The following ELF1 variants were observed in gnomAD, a reference collection of about 807,000 sequenced individuals.
The protein encoded by ELF1 is E74 like ETS transcription factor 1.
In ELF1, 24 loss-of-function variants were observed where a neutral mutation model predicts 59.9. That is an observed-to-expected ratio of 0.40 (90% CI 0.29 to 0.56). The LOEUF (loss-of-function observed/expected upper bound fraction) is 0.56, where lower values mean the gene tolerates loss of function less well. Among genes scored for constraint, ELF1 ranks in the 20% least tolerant of loss-of-function variants. ELF1 has a pLI of 0.44. For synonymous variants in ELF1, 248 were observed against 266.2 expected (o/e 0.93, Z 0.67); for missense variants, 627 against 742.2 (o/e 0.84, Z 1.80).
chr13:41,051,933 TC>T (rs1877105362), intron 1 of ELF1, among the ~76,000 whole-genome samples: 2 of 148,392 alleles, frequency 1.3e-5, no homozygotes, highest in African/African-American at 2.5e-5. Flanking sequence ...TTTCTTTTTC[TC>T]TTTTTTTTTT....
chr13:41,037,266 C>T (rs1051453192), intron 1 of ELF1, among the ~76,000 whole-genome samples: 5 of 152,048 alleles, frequency 3.3e-5, no homozygotes, highest in African/African-American at 7.2e-5. Context: ...CTCCTGAAGG[C>T]GATTAAGCCT....
intron 1 of ELF1, chr13:40,993,202 C>CTAACAGTG (rs1279861886): frequency 6.5e-7 from 1 of 1,534,362 alleles, no homozygotes; most frequent in South Asian, 1.1e-5. Context: ...TTCTTCATTC[C>CTAACAGTG]TAACAGTGAG....
chr13:41,039,722 G>A (rs1320308548), intron 1 of ELF1, among the ~76,000 whole-genome samples: 1 of 152,128 alleles, frequency 6.6e-6, no homozygotes, highest in Non-Finnish European at 1.5e-5. Context: ...AAATATTTAA[G>A]TGAAAATGTA....
chr13:40,963,490 A>G (rs1439420246), intron 2 of ELF1, among the ~76,000 whole-genome samples: 1 of 152,228 alleles, frequency 6.6e-6, no homozygotes, highest in Non-Finnish European at 1.5e-5. Context: ...CATGAAAGGC[A>G]TGGTCCATTC....
chr13:41,046,399 G>A (rs1876848784), intron 1 of ELF1, among the ~76,000 whole-genome samples: 1 of 152,134 alleles, frequency 6.6e-6, no homozygotes, highest in African/African-American at 2.4e-5. Context: ...CTACAATTTG[G>A]CATGTTTTTG....
chr13:40,973,056 T>A (rs1872671914), intron 2 of ELF1, among the ~76,000 whole-genome samples: 1 of 152,186 alleles, frequency 6.6e-6, no homozygotes, highest in African/African-American at 2.4e-5. Flanking sequence ...GTTTTTATTT[T>A]GCATATGCCA....
chr13:41,028,636 G>C (rs1876041870), intron 1 of ELF1, among the ~76,000 whole-genome samples: 6 of 152,178 alleles, frequency 3.9e-5, no homozygotes, highest in Admixed American at 3.9e-4. Flanking sequence ...TATATACATA[G>C]ATATAACAAA....
Position 41,003,003 on chromosome 13 carries a change from C to G in ELF1, c.-229+16225G>C, listed in dbSNP as rs116026800. ...TCAAACTAGGTCAAGATCAAAGGACCTTTTATTTTCTTAATATTTACTTAC... is the reference window on the plus strand; with the variant it reads ...TCAAACTAGGTCAAGATCAAAGGACGTTTTATTTTCTTAATATTTACTTAC... On this transcript the variant is annotated intron_variant, in intron 1 of 8. Transcript: ENST00000239882. Among the ~76,000 whole-genome samples, 436 of 151,842 alleles carry G rather than the reference C, an allele frequency of 2.9e-3. 3 individuals are homozygous for G. Among genetic ancestry groups the G allele is most frequent in the African/African-American group, 0.01 (420 of 41,424 alleles).
At chr13:41,054,438 C>A (rs1480964302) in intron 1 of ELF1, among the ~76,000 whole-genome samples, 1 of 152,184 alleles carries the variant, frequency 6.6e-6, no homozygotes, top group Non-Finnish European at 1.5e-5. Flanking sequence ...TTAACTTGTT[C>A]ATGGAGTCAA....
chr13:40,978,340 G>A (rs903532126), intron 2 of ELF1, among the ~76,000 whole-genome samples: 19 of 151,230 alleles, frequency 1.3e-4, no homozygotes, highest in Admixed American at 5.9e-4. Flanking sequence ...ATCACACCAC[G>A]GCACTCCAGC....
intron 1 of ELF1, among the ~76,000 whole-genome samples, chr13:41,009,133 G>GT (rs2138357197): frequency 6.6e-6 from 1 of 151,500 alleles, no homozygotes; most frequent in African/African-American, 2.4e-5. Context: ...TGTAATGGGC[G>GT]TATTATTTTT....
At chr13:41,020,117 C>T (rs942096980), upstream of ELF1, among the ~76,000 whole-genome samples, 7 of 152,182 alleles carry the variant, frequency 4.6e-5, no homozygotes, top group African/African-American at 1.7e-4. Context: ...TGCCAGGCAC[C>T]CTGCTACAGC....
At chr13:40,993,028 A>G in intron 1 of ELF1, 1 of 1,565,556 alleles carries the variant, frequency 6.4e-7, no homozygotes, top group South Asian at 1.1e-5. Context: ...TATTCTGTTC[A>G]GAGGAACTCT....
exon 1 of ELF1, chr13:41,061,073 G>A (rs935159460): frequency 1.0e-5 from 2 of 194,114 alleles, no homozygotes; most frequent in Non-Finnish European, 2.2e-5. Context: ...CTAGCGACTC[G>A]CAGCGCCGGT....
intron 1 of ELF1, among the ~76,000 whole-genome samples, chr13:41,004,691 C>A (rs962187668): frequency 2.0e-5 from 3 of 151,972 alleles, no homozygotes; most frequent in Non-Finnish European, 4.4e-5. Flanking sequence ...ACTAAAATTT[C>A]AAGATCAAAA....
At chr13:41,054,912 AT>A (rs1877230230) in intron 1 of ELF1, among the ~76,000 whole-genome samples, 1 of 152,234 alleles carries the variant, frequency 6.6e-6, no homozygotes, top group African/African-American at 2.4e-5. Flanking sequence ...TTAGCTCCAA[AT>A]CCAAGAGGCT....
In ELF1 at chr13:41,004,629, G is replaced by C. The variant is rs1306098320; in HGVS notation, c.-229+14599C>G. On this transcript the variant is annotated intron_variant, in intron 1 of 8. Coordinates refer to ENST00000239882, the MANE Select transcript of ELF1 (RefSeq NM_172373.4). ...TACTTGGTAAACTACAAAATGCTTT[G>C]AAAGTTTTACAGAATCCTGATATAC... Among the ~76,000 whole-genome samples the C allele has an allele frequency of 4.6e-5, 7 of 152,096 alleles. No individual in the cohort carries two copies. In the East Asian group the frequency reaches 1.4e-3, roughly 29 times the overall value.
At chr13:40,985,679 A>G (rs1277285919) in intron 1 of ELF1, among the ~76,000 whole-genome samples, 1 of 152,230 alleles carries the variant, frequency 6.6e-6, no homozygotes, top group African/African-American at 2.4e-5. Flanking sequence ...AAACATGTCC[A>G]AAACTAAATG....
intron 1 of ELF1, among the ~76,000 whole-genome samples, chr13:40,994,257 C>CA (rs1472799178): frequency 6.6e-6 from 1 of 152,176 alleles, no homozygotes; most frequent in Admixed American, 6.6e-5. Flanking sequence ...AACAGCCAAA[C>CA]AGACTGAATA....
Sources: gnomAD v4.1 joint callset for allele counts (sites outside exome capture counted in the v4.1 genomes callset) on GRCh38, gnomAD v4.1.1 for gene constraint, MANE v1.5 for transcripts, NCBI Gene and HGNC (gene_info 2026-07-23, HGNC 2026-07-21) for gene names.